Variants in DCAF6 observed in about 807,000 individuals in gnomAD.
The protein encoded by DCAF6 is DDB1 and CUL4 associated factor 6.
Under a neutral mutation model 125.1 loss-of-function variants are expected in DCAF6, and 54 were observed. The observed-to-expected ratio is 0.43, with a 90% confidence interval of 0.35 to 0.54. DCAF6 has a LOEUF of 0.54. Among genes scored for constraint, DCAF6 ranks in the 20% least tolerant of loss-of-function variants. The pLI is 0.01. For synonymous variants in DCAF6, 371 were observed against 390.4 expected (o/e 0.95, Z 0.58); for missense variants, 934 against 1,161.7 (o/e 0.80, Z 2.85).
chr1:168,005,244 T>G (rs1186414145), intron 10 of DCAF6, among the ~76,000 whole-genome samples: 1 of 152,124 alleles, frequency 6.6e-6, no homozygotes, highest in Non-Finnish European at 1.5e-5. Context: ...TATGGTGGAT[T>G]TGATATGGTC....
At chr1:168,067,428 G>C (rs1377134271) in intron 20 of DCAF6, among the ~76,000 whole-genome samples, 1 of 152,102 alleles carries the variant, frequency 6.6e-6, no homozygotes, top group Non-Finnish European at 1.5e-5. Context: ...GTTTGTAAAT[G>C]GGGTAGATAG....
At chr1:167,898,236 A>C in the DCAF6 span, among the ~76,000 whole-genome samples, 3 of 151,880 alleles carry the variant, frequency 2.0e-5, no homozygotes, top group Non-Finnish European at 4.4e-5. Flanking sequence ...GAAACTCTGT[A>C]TTATTTTTTC....
At chr1:168,042,023 A>G (rs1382982785) in intron 13 of DCAF6, among the ~76,000 whole-genome samples, 1 of 151,876 alleles carries the variant, frequency 6.6e-6, no homozygotes, top group East Asian at 1.9e-4. Flanking sequence ...TTCTCTGCAT[A>G]TATACACCCA....
chr1:167,935,173 T>C (rs1671060383), upstream of DCAF6, among the ~76,000 whole-genome samples: 1 of 152,140 alleles, frequency 6.6e-6, no homozygotes, highest in African/African-American at 2.4e-5. Flanking sequence ...ATTTCATAAA[T>C]AAGGATAGAC....
chr1:167,918,584 C>T, the DCAF6 span, among the ~76,000 whole-genome samples: 15 of 145,506 alleles, frequency 1.0e-4, no homozygotes, highest in Middle Eastern at 3.5e-3. Flanking sequence ...AAGAGCACAA[C>T]TGCCAAAAAC....
At chr1:167,944,910 T>G (rs1289251252) in intron 1 of DCAF6, among the ~76,000 whole-genome samples, 1 of 152,222 alleles carries the variant, frequency 6.6e-6, no homozygotes, top group Non-Finnish European at 1.5e-5. Flanking sequence ...TAGTGAGAGA[T>G]AAGAGTTCAA....
chr1:167,950,253 G>C (rs202274), intron 1 of DCAF6, among the ~76,000 whole-genome samples: 27,573 of 151,978 alleles, frequency 0.18, 3,730 homozygotes, highest in African/African-American at 0.38. Context: ...TTCTTAACTC[G>C]TATAACTCAA....
At chr1:167,940,464 C>T (rs981455323) in intron 1 of DCAF6, among the ~76,000 whole-genome samples, 4 of 150,898 alleles carry the variant, frequency 2.7e-5, no homozygotes, top group South Asian at 2.1e-4. Flanking sequence ...GCAGCCTCCA[C>T]GTCCTGGGCT....
At chr1:167,985,387 T>G (rs1393200909) in intron 4 of DCAF6, among the ~76,000 whole-genome samples, 1 of 152,214 alleles carries the variant, frequency 6.6e-6, no homozygotes, top group Non-Finnish European at 1.5e-5. Flanking sequence ...TTCTAGAGGC[T>G]ACTTGCATTC....
chr1:168,025,773 A>T (rs569654665), intron 12 of DCAF6, among the ~76,000 whole-genome samples: 10 of 152,200 alleles, frequency 6.6e-5, no homozygotes, highest in Non-Finnish European at 1.2e-4. Context: ...AGCCAGAGTG[A>T]AACTTCAAGA....
At chr1:168,028,834 A>T (rs997295358) in intron 12 of DCAF6, among the ~76,000 whole-genome samples, 4 of 152,160 alleles carry the variant, frequency 2.6e-5, no homozygotes, top group Non-Finnish European at 4.4e-5. Context: ...TCTAATTTTT[A>T]TTAAATAAAT....
chr1:167,916,846 T>C, the DCAF6 span: 1 of 152,230 alleles, frequency 6.6e-6, no homozygotes, highest in African/African-American at 2.4e-5. Flanking sequence ...CAAATGAATT[T>C]AACAGTGTGG....
the DCAF6 span, among the ~76,000 whole-genome samples, chr1:167,897,293 C>A: frequency 1.3e-5 from 2 of 149,156 alleles, no homozygotes; most frequent in South Asian, 4.3e-4. Context: ...CGAGACCAGC[C>A]TGGGTAACAA....
the DCAF6 span, among the ~76,000 whole-genome samples, chr1:167,927,940 C>T: frequency 4.6e-5 from 7 of 152,060 alleles, no homozygotes; most frequent in Non-Finnish European, 1.0e-4. Flanking sequence ...TAGCAGTAGC[C>T]AATACATAAG....
the DCAF6 span, among the ~76,000 whole-genome samples, chr1:167,869,708 C>G: frequency 6.6e-6 from 1 of 152,206 alleles, no homozygotes; most frequent in African/African-American, 2.4e-5. Context: ...TCACGTACCC[C>G]CTGGCTTACT....
In DCAF6 at chr1:168,043,115, A is replaced by G. The variant is rs746886704; in HGVS notation, c.1818A>G (p.Gln606=). 5 of 1,612,692 alleles carry G rather than the reference A, an allele frequency of 3.1e-6. No homozygotes were observed. The highest frequency in any genetic ancestry group is 2.2e-5 in the East Asian group (1 of 44,846). Residue 606 remains glutamine (Q), a synonymous_variant, in exon 14 of 22, where the codon CAA becomes CAG. Coordinates refer to ENST00000367840, the MANE Select transcript of DCAF6 (RefSeq NM_001198956.2). ...EESFVPQSSV[Q]PPEGDSETKA... ...CTTTCGTCCCACAGAGCTCAGTGCA[A>G]CCACCAGAAGGAGACAGTGAAACAA...
upstream of DCAF6, among the ~76,000 whole-genome samples, chr1:167,934,405 C>T (rs1354436746): frequency 6.6e-6 from 1 of 152,138 alleles, no homozygotes; most frequent in Non-Finnish European, 1.5e-5. Flanking sequence ...ACCCTCCTTC[C>T]CGAAAATCTT....
intron 4 of DCAF6, among the ~76,000 whole-genome samples, chr1:167,975,578 C>G (rs561422426): frequency 6.6e-6 from 1 of 152,196 alleles, no homozygotes; most frequent in Non-Finnish European, 1.5e-5. Context: ...TACAGGGTCA[C>G]ACTGTCACTC....
At chr1:167,918,326 T>C in the DCAF6 span, 1 of 1,566,546 alleles carries the variant, frequency 6.4e-7, no homozygotes, top group Non-Finnish European at 8.8e-7. Context: ...AACTCTTTTA[T>C]TTGTGTGCTT....
Sources: gnomAD v4.1 joint callset for allele counts (sites outside exome capture counted in the v4.1 genomes callset) on GRCh38, gnomAD v4.1.1 for gene constraint, MANE v1.5 for transcripts, NCBI Gene and HGNC (gene_info 2026-07-23, HGNC 2026-07-21) for gene names.